WWOX: variants seen among roughly 807,000 people sequenced by gnomAD.
WWOX encodes WW domain containing oxidoreductase, also known as WW domain-containing oxidoreductase.
A neutral mutation model predicts 46.2 loss-of-function variants in WWOX; 69 were observed. That is an observed-to-expected ratio of 1.49 (90% CI 1.23 to 1.82). The LOEUF (loss-of-function observed/expected upper bound fraction) is 1.82. Ranked by LOEUF, WWOX falls within the 40% of genes most tolerant of loss-of-function variation. The pLI, the probability that WWOX is intolerant of heterozygous loss-of-function variation, is 0.00. For synonymous variants in WWOX, 359 were observed against 202.6 expected (o/e 1.77, Z -6.56); for missense variants, 919 against 542.6 (o/e 1.69, Z -6.89).
At chr16:79,200,825 G>T (rs2051333447) in intron 8 of WWOX, among the ~76,000 whole-genome samples, 1 of 152,154 alleles carries the variant, frequency 6.6e-6, no homozygotes. Flanking sequence ...TAAAGGAGAG[G>T]TGCTGGGGCC....
chr16:78,322,127 T>G (rs1045405605), intron 5 of WWOX, among the ~76,000 whole-genome samples: 1 of 152,196 alleles, frequency 6.6e-6, no homozygotes, highest in Non-Finnish European at 1.5e-5. Flanking sequence ...ATTGTGTATT[T>G]ACTTCTCACT....
At chr16:78,392,536 A>G (rs1010271471) in intron 6 of WWOX, among the ~76,000 whole-genome samples, 2 of 152,144 alleles carry the variant, frequency 1.3e-5, no homozygotes, top group African/African-American at 4.8e-5. Flanking sequence ...CTTTGAGTCT[A>G]TGGAAAAATT....
At chr16:78,367,014 C>G (rs551783881) in intron 5 of WWOX, among the ~76,000 whole-genome samples, 5 of 114,564 alleles carry the variant, frequency 4.4e-5, no homozygotes, top group Non-Finnish European at 6.5e-5. Context: ...TAGTCTTGCT[C>G]TGTTGCCCAG....
chr16:78,113,441 C>T (rs910667498), intron 3 of WWOX, among the ~76,000 whole-genome samples: 65 of 152,162 alleles, frequency 4.3e-4, no homozygotes, highest in African/African-American at 1.4e-3. Context: ...AAGTGATGGG[C>T]GTTGTTGTGT....
intron 8 of WWOX, among the ~76,000 whole-genome samples, chr16:78,985,543 A>AG (rs200963832): frequency 0.01 from 1,584 of 152,312 alleles, 32 homozygotes; most frequent in African/African-American, 0.036. Flanking sequence ...CCAAGGTGGG[A>AG]GGATCACTTG....
At chr16:78,399,365 G>A (rs373090158) in intron 6 of WWOX, among the ~76,000 whole-genome samples, 7 of 152,274 alleles carry the variant, frequency 4.6e-5, no homozygotes, top group South Asian at 2.1e-4. Context: ...GTATGTAATC[G>A]TAGTTACAAC....
At chr16:78,660,024 T>G (rs1455103920) in intron 8 of WWOX, among the ~76,000 whole-genome samples, 1 of 152,180 alleles carries the variant, frequency 6.6e-6, no homozygotes, top group Non-Finnish European at 1.5e-5. Context: ...TCCTATTATT[T>G]TACCTCAAAG....
chr16:78,592,896 G>T (rs1196947280), intron 8 of WWOX, among the ~76,000 whole-genome samples: 2 of 152,130 alleles, frequency 1.3e-5, no homozygotes, highest in Non-Finnish European at 2.9e-5. Context: ...CGAAAAGGTG[G>T]AGAGGGAACT....
intron 8 of WWOX, among the ~76,000 whole-genome samples, chr16:78,789,318 T>G (rs1597612471): frequency 6.6e-6 from 1 of 152,320 alleles, no homozygotes; most frequent in Non-Finnish European, 1.5e-5. Flanking sequence ...TTACGTCAAT[T>G]TTTCTATATA....
intron 8 of WWOX, among the ~76,000 whole-genome samples, chr16:78,654,952 T>C (rs942432209): frequency 2.6e-5 from 4 of 152,122 alleles, no homozygotes; most frequent in Admixed American, 2.0e-4. Context: ...TAAACATTGA[T>C]CATCTATGTG....
intron 8 of WWOX, among the ~76,000 whole-genome samples, chr16:78,456,228 A>AG (rs1445241387): frequency 1.3e-5 from 2 of 152,190 alleles, no homozygotes; most frequent in Non-Finnish European, 2.9e-5. Context: ...TAAGTTGGGA[A>AG]GAGGGACACA....
At chr16:78,418,333 C>T (rs56743786) in intron 6 of WWOX, among the ~76,000 whole-genome samples, 2,231 of 151,624 alleles carry the variant, frequency 0.015, 46 homozygotes, top group East Asian at 0.063. Context: ...CACTGCACTC[C>T]AGCCTGGGCA....
intron 8 of WWOX, among the ~76,000 whole-genome samples, chr16:78,504,039 G>C (rs572477595): frequency 2.2e-4 from 33 of 152,228 alleles, no homozygotes; most frequent in Admixed American, 6.5e-4. Context: ...AAAGATGTCA[G>C]TCAGGGGGAA....
chr16:78,927,081 C>T (rs1597160953), intron 8 of WWOX, among the ~76,000 whole-genome samples: 1 of 152,218 alleles, frequency 6.6e-6, no homozygotes, highest in African/African-American at 2.4e-5. Flanking sequence ...TAGGCATGAG[C>T]CACCATGCCC....
rs548988334 is a variant in WWOX, at chr16:78,773,956, C to G, written c.1056+341204C>G. The stretch of plus-strand genomic sequence containing the variant: ...CCCTTCATGGAATTTGAAAACATGA[C>G]TCTGAAAGCATGTGGCTGAAATGAG... On this transcript the variant is annotated intron_variant, in intron 8 of 8. Coordinates refer to ENST00000566780, the MANE Select transcript of WWOX (RefSeq NM_016373.4). Among the ~76,000 whole-genome samples the G allele has an allele frequency of 7.0e-4, 106 of 152,300 alleles. 1 individual carries two copies. The highest frequency in any genetic ancestry group is 2.5e-3 in the African/African-American group (105 of 41,552).
chr16:78,327,968 C>A (rs1049065402), intron 5 of WWOX, among the ~76,000 whole-genome samples: 1 of 138,694 alleles, frequency 7.2e-6, no homozygotes, highest in Non-Finnish European at 1.5e-5. Flanking sequence ...CCTCAAACTT[C>A]TGGGCTCAAG....
chr16:78,850,975 G>A (rs767889979), intron 8 of WWOX, among the ~76,000 whole-genome samples: 4 of 152,150 alleles, frequency 2.6e-5, no homozygotes. Flanking sequence ...AGTATTCTGG[G>A]TCTCTCTGCA....
intron 5 of WWOX, among the ~76,000 whole-genome samples, chr16:78,327,702 G>C (rs2080658487): frequency 6.6e-6 from 1 of 151,880 alleles, no homozygotes; most frequent in Non-Finnish European, 1.5e-5. Flanking sequence ...GCTTTCCTCT[G>C]AATAGCAAGC....
At chr16:78,839,179 A>G (rs2052071201) in intron 8 of WWOX, among the ~76,000 whole-genome samples, 1 of 152,198 alleles carries the variant, frequency 6.6e-6, no homozygotes, top group Non-Finnish European at 1.5e-5. Context: ...TGGGGGAAAA[A>G]TTCAACAAGT....
Sources: gnomAD v4.1 joint callset for allele counts (sites outside exome capture counted in the v4.1 genomes callset) on GRCh38, gnomAD v4.1.1 for gene constraint, MANE v1.5 for transcripts, NCBI Gene and HGNC (gene_info 2026-07-23, HGNC 2026-07-21) for gene names.